USP18: variants seen among roughly 807,000 people sequenced by gnomAD.
USP18 encodes ubl carboxyl-terminal hydrolase 18.
A neutral mutation model predicts 48.7 loss-of-function variants in USP18; 11 were observed. The ratio of observed to expected loss-of-function variants is 0.23; its 90% CI spans 0.14 to 0.37. The LOEUF is 0.37. Ranked by LOEUF, USP18 falls within the 10% of genes least tolerant of loss-of-function variation. USP18 has a pLI of 1.00. For missense variants in USP18, 285 were observed against 436.4 expected (o/e 0.65, Z 3.09); for synonymous variants, 114 against 163.2 (o/e 0.70, Z 2.30).
At chr22:18,154,989 T>TG (rs1194266881) in intron 1 of USP18, among the ~76,000 whole-genome samples, 1 of 152,156 alleles carries the variant, frequency 6.6e-6, no homozygotes, top group African/African-American at 2.4e-5. Flanking sequence ...GTTGTAGTGC[T>TG]GGGGGGTGCT....
intron 1 of USP18, among the ~76,000 whole-genome samples, chr22:18,153,029 C>T (rs1305656087): frequency 2.0e-5 from 3 of 152,196 alleles, no homozygotes; most frequent in African/African-American, 7.2e-5. Context: ...GTTGAGTCCT[C>T]CTAGGCTGGG....
At chr22:18,158,346 AGGATTAAATG>A (rs1929228543) in intron 2 of USP18, among the ~76,000 whole-genome samples, 1 of 152,166 alleles carries the variant, frequency 6.6e-6, no homozygotes, top group South Asian at 2.1e-4. Flanking sequence ...GGTTGTTGGG[AGGATTAAATG>A]GGGTCATCTG....
Position 18,167,349 on chromosome 22 carries a change from C to T in USP18, c.480+15C>T, listed in dbSNP as rs1313058710. 13 of 1,613,326 alleles carry T rather than the reference C, an allele frequency of 8.1e-6. No homozygotes were observed. Among genetic ancestry groups the T allele is most frequent in the Admixed American group, 1.7e-5 (1 of 59,944 alleles). On this transcript the variant is annotated intron_variant, in intron 5 of 10. Coordinates refer to ENST00000215794, the MANE Select transcript of USP18 (RefSeq NM_017414.4). The stretch of plus-strand genomic sequence containing the variant: ...ATGTGCACTTGGTAAGAACCTAGAA[C>T]CAGAGCACTCGGAAGCTTAAGATGC...
intron 7 of USP18, among the ~76,000 whole-genome samples, chr22:18,170,244 T>G (rs1238102218): frequency 6.6e-6 from 1 of 151,738 alleles, no homozygotes; most frequent in African/African-American, 2.4e-5. Flanking sequence ...TCAGGGGTCA[T>G]CTGTCCTTCA....
intron 4 of USP18, among the ~76,000 whole-genome samples, chr22:18,163,972 G>C (rs1201971870): frequency 6.6e-6 from 1 of 152,240 alleles, no homozygotes; most frequent in Non-Finnish European, 1.5e-5. Flanking sequence ...TCCGCCACTT[G>C]CTCTGCAAAA....
rs776065934 is a variant in USP18 at position 18,169,823 on chromosome 22, C to G, written c.628-21C>G. On this transcript the variant is annotated intron_variant, in intron 6 of 10. Transcript: ENST00000215794. Reference sequence around the variant, plus strand: ...GGGAAATACCAACGCTGCTTTTTCCCTGTTCTCTTGGGTGGGACAGGAGGA... The same window carrying G: ...GGGAAATACCAACGCTGCTTTTTCCGTGTTCTCTTGGGTGGGACAGGAGGA... 1.5e-5 allele frequency: 24 copies of G among 1,563,070 alleles called. No homozygotes were observed. The South Asian group carries it at 2.7e-4, about 18-fold the overall frequency.
At chr22:18,153,989 G>A (rs1165207676) in intron 1 of USP18, among the ~76,000 whole-genome samples, 3 of 151,420 alleles carry the variant, frequency 2.0e-5, no homozygotes, top group African/African-American at 7.3e-5. Context: ...GGTTGATTCC[G>A]TATCTCGGGT....
rs995442561 is a variant in USP18 at position 18,151,389 on chromosome 22, C to G, written c.-107+1167C>G. On this transcript the variant is annotated intron_variant, in intron 1 of 10. Transcript: ENST00000215794. The stretch of plus-strand genomic sequence containing the variant: ...AGAAAACAAGGCAAATACTGAAAAG[C>G]ATTTCATCTGAAGTTTCTTTCTGGT... Among the ~76,000 whole-genome samples, 3 of 152,278 alleles carry G rather than the reference C, an allele frequency of 2.0e-5. No individual in the cohort carries two copies. In the South Asian group the frequency reaches 6.2e-4, roughly 32 times the overall value.
chr22:18,157,436 A>T, intron 1 of USP18, 122 bp from the exon 2 acceptor site: 3 of 540,710 alleles, frequency 5.5e-6, no homozygotes, highest in Non-Finnish European at 9.9e-6. Flanking sequence ...CTAGAGCTCT[A>T]TGAGTCAGTC....
At chr22:18,175,480 G>A (rs565506999) in intron 10 of USP18, among the ~76,000 whole-genome samples, 2 of 149,134 alleles carry the variant, frequency 1.3e-5, no homozygotes, top group African/African-American at 2.6e-5. Context: ...TTGTCACTTT[G>A]TGGTTGTCAT....
intron 3 of USP18, among the ~76,000 whole-genome samples, chr22:18,161,098 T>C (rs1386478565): frequency 6.6e-6 from 1 of 152,014 alleles, no homozygotes; most frequent in African/African-American, 2.4e-5. Flanking sequence ...AAAGCCCTCT[T>C]TGGGTGATTT....
intron 2 of USP18, among the ~76,000 whole-genome samples, chr22:18,158,803 C>A (rs1269698209): frequency 6.6e-6 from 1 of 152,176 alleles, no homozygotes; most frequent in African/African-American, 2.4e-5. Context: ...GAGACCTCTC[C>A]GCTGGACTCC....
At chr22:18,158,286 TCAAACAAA>T (rs534112353) in intron 2 of USP18, among the ~76,000 whole-genome samples, 2 of 152,258 alleles carry the variant, frequency 1.3e-5, no homozygotes, top group Admixed American at 6.5e-5. Context: ...AGACTCTGTC[TCAAACAAA>T]CAAACAAACA....
chr22:18,168,648 C>T (rs1299119885), intron 6 of USP18, among the ~76,000 whole-genome samples: 2 of 152,206 alleles, frequency 1.3e-5, no homozygotes, highest in Non-Finnish European at 2.9e-5. Context: ...CCTGCCTCAG[C>T]CTCCCTGGGA....
At chr22:18,173,465 T>G (rs1159002475) in intron 9 of USP18, among the ~76,000 whole-genome samples, 184 bp downstream of exon 9, 1 of 151,850 alleles carries the variant, frequency 6.6e-6, no homozygotes, top group Admixed American at 6.6e-5. Flanking sequence ...TGCACCTCTG[T>G]AAGGGTTCAA....
At position 18,167,392 on chromosome 22, in the gene USP18, C is replaced by G. The variant is rs2123737373; in HGVS notation, c.480+58C>G. On this transcript the variant is annotated intron_variant, in intron 5 of 10. Transcript: ENST00000215794. Reference sequence around the variant, plus strand: ...TAAGATGCTGCTCATTTCACTCATTCAGCTGTTGTTCCCGTAGTGTGTAGA... The same window carrying G: ...TAAGATGCTGCTCATTTCACTCATTGAGCTGTTGTTCCCGTAGTGTGTAGA... 20 of 1,596,822 alleles carry G rather than the reference C, an allele frequency of 1.3e-5. No individual in the cohort carries two copies. In the South Asian group the frequency reaches 1.9e-4, roughly 15 times the overall value.
rs189350347 is a variant in USP18, at chr22:18,166,027, A to G, written c.401-1228A>G. On this transcript the variant is annotated intron_variant, in intron 4 of 10. Transcript: ENST00000215794. The stretch of plus-strand genomic sequence containing the variant: ...TCAGAATAAATTCACATTTGTGTAT[A>G]AAACCTTTTGTATCACATTTTTTTT... Among the ~76,000 whole-genome samples, 16 of 152,356 alleles carry G rather than the reference A, an allele frequency of 1.1e-4. No individual in the cohort carries two copies. In the East Asian group the frequency reaches 2.1e-3, roughly 20 times the overall value.
intron 6 of USP18, among the ~76,000 whole-genome samples, chr22:18,169,507 C>T (rs368683480): frequency 2.6e-5 from 4 of 152,166 alleles, no homozygotes; most frequent in African/African-American, 4.8e-5. Flanking sequence ...ACCCGGGAGG[C>T]GGAGATTGCG....
rs112211874 is a variant in USP18, at chr22:18,160,369, GAT to G, written c.254+102_254+103del. On this transcript the variant is annotated intron_variant, in intron 3 of 10. Transcript: ENST00000215794. ...TGCCCAGGCTGGAGTGCAGTGGCAT[GAT>G]CTTGGCTCACTGCAAGTTCTGCCTC... 2,345 of 1,403,844 alleles carry G rather than the reference GAT, an allele frequency of 1.7e-3. 26 individuals carry two copies. The African/African-American group carries it at 0.03, about 18-fold the overall frequency. The allele number at this position is 1,403,844 out of a possible 1,614,324, so 87.0% of individuals were successfully genotyped here.
Sources: allele counts gnomAD v4.1 joint callset (sites outside exome capture counted in the v4.1 genomes callset), GRCh38; gene constraint gnomAD v4.1.1; transcripts MANE v1.5; gene names NCBI Gene and HGNC (gene_info 2026-07-23, HGNC 2026-07-21).